The following OSBPL1A variants were observed in gnomAD, a reference collection of about 807,000 sequenced individuals.
OSBPL1A encodes the protein oxysterol-binding protein-related protein 1.
In OSBPL1A, 80 loss-of-function variants were observed where a neutral mutation model predicts 137.1. That is an observed-to-expected ratio of 0.58 (90% CI 0.49 to 0.70). The LOEUF is 0.70. Among genes scored for constraint, OSBPL1A ranks in the 30% least tolerant of loss-of-function variants. The pLI is 0.00. For synonymous variants in OSBPL1A, 365 were observed against 389.7 expected, an observed-to-expected ratio of 0.94 and a Z score of 0.75; for missense variants, 970 against 1,129.4, an observed-to-expected ratio of 0.86 and a Z score of 2.02.
At chr18:24,180,920 G>C (rs929345772) in intron 19 of OSBPL1A, among the ~76,000 whole-genome samples, 1 of 152,168 alleles carries the variant, frequency 6.6e-6, no homozygotes, top group Non-Finnish European at 1.5e-5. Context: ...CTAATATCTA[G>C]GTTTGCTTAA....
chr18:24,276,013 C>A (rs1375220195), intron 15 of OSBPL1A, among the ~76,000 whole-genome samples: 1 of 152,108 alleles, frequency 6.6e-6, no homozygotes, highest in Non-Finnish European at 1.5e-5. Context: ...CAGGCATGAG[C>A]CACCGTGCCT....
intron 7 of OSBPL1A, among the ~76,000 whole-genome samples, chr18:24,327,569 C>T (rs973178702): frequency 6.6e-6 from 1 of 152,146 alleles, no homozygotes. Context: ...GCCACCACAC[C>T]CGGCTAATTT....
At chr18:24,354,901 C>A (rs896937736) in intron 4 of OSBPL1A, among the ~76,000 whole-genome samples, 5 of 152,066 alleles carry the variant, frequency 3.3e-5, no homozygotes, top group African/African-American at 7.2e-5. Flanking sequence ...CTGTTCCCTG[C>A]TGAACCTGCC....
intron 18 of OSBPL1A, among the ~76,000 whole-genome samples, chr18:24,193,658 C>T (rs1394473546): frequency 1.3e-5 from 2 of 152,120 alleles, no homozygotes; most frequent in Non-Finnish European, 2.9e-5. Context: ...AGGTGATCTC[C>T]TTTCAATCCA....
At chr18:24,273,108 A>G (rs1305824426) in intron 15 of OSBPL1A, among the ~76,000 whole-genome samples, 1 of 152,042 alleles carries the variant, frequency 6.6e-6, no homozygotes, top group Non-Finnish European at 1.5e-5. Flanking sequence ...GGGTTTTGCT[A>G]TGTTGGTCAT....
intron 21 of OSBPL1A, among the ~76,000 whole-genome samples, chr18:24,176,263 C>T (rs1027263338): frequency 2.0e-5 from 3 of 152,188 alleles, no homozygotes; most frequent in Non-Finnish European, 2.9e-5. Flanking sequence ...GGTGAACTGA[C>T]ATCTTAACTA....
chr18:24,314,469 A>ATT (rs2090681361), intron 11 of OSBPL1A, 122 bp from the exon 12 acceptor site: 3 of 600,050 alleles, frequency 5.0e-6, no homozygotes, highest in Middle Eastern at 3.8e-4. Context: ...ACACTTAAGT[A>ATT]TTGACAGATA....
At chr18:24,209,626 A>G (rs1377781016) in intron 17 of OSBPL1A, among the ~76,000 whole-genome samples, 2 of 152,246 alleles carry the variant, frequency 1.3e-5, no homozygotes, top group African/African-American at 2.4e-5. Context: ...CTGGAAAAAA[A>G]ACAAATTCCA....
At chr18:24,177,288 A>C (rs908529133) in intron 21 of OSBPL1A, among the ~76,000 whole-genome samples, 15 of 152,188 alleles carry the variant, frequency 9.9e-5, no homozygotes, top group African/African-American at 1.4e-4. Context: ...TAGGTCCTTT[A>C]ATTAGAAAGA....
At chr18:24,291,512 G>A (rs566739344) in intron 14 of OSBPL1A, among the ~76,000 whole-genome samples, 278 of 152,228 alleles carry the variant, frequency 1.8e-3, no homozygotes, top group African/African-American at 6.0e-3. Flanking sequence ...AGGATAGAAC[G>A]AGAAGGCTCA....
intron 17 of OSBPL1A, among the ~76,000 whole-genome samples, chr18:24,199,495 A>AC (rs1409625417): frequency 6.6e-6 from 1 of 151,356 alleles, no homozygotes; most frequent in East Asian, 1.9e-4. Flanking sequence ...ATGACCTCCT[A>AC]CCCCCAAACA....
chr18:24,254,432 T>C lies in OSBPL1A; in HGVS notation c.1282-15050A>G, dbSNP rs147687556. 7.8e-4 allele frequency among the ~76,000 whole-genome samples: 119 copies of C among 152,292 alleles called. 1 individual carries two copies. In the East Asian group the frequency reaches 0.012, roughly 16 times the overall value. Reference sequence around the variant, plus strand: ...TCAGTACATGTATCATTCTCAAAGATAGACCATATGTTAGGCCACAAAACA... The same window carrying C: ...TCAGTACATGTATCATTCTCAAAGACAGACCATATGTTAGGCCACAAAACA... On this transcript the variant is annotated intron_variant, in intron 15 of 27. Coordinates refer to ENST00000319481, the MANE Select transcript of OSBPL1A (RefSeq NM_080597.4).
At chr18:24,283,138 G>A (rs781541014) in intron 14 of OSBPL1A, among the ~76,000 whole-genome samples, 11 of 150,596 alleles carry the variant, frequency 7.3e-5, no homozygotes, top group Non-Finnish European at 1.5e-4. Context: ...GGTGGCTGGC[G>A]CCTGTAATCC....
intron 2 of OSBPL1A, among the ~76,000 whole-genome samples, chr18:24,369,761 C>G (rs1489580124): frequency 1.3e-5 from 2 of 152,310 alleles, no homozygotes; most frequent in East Asian, 1.9e-4. Context: ...ATTACACAGT[C>G]AATAAATCCC....
chr18:24,170,605 G>C (rs1312049493), intron 23 of OSBPL1A, 152 bp from the exon 24 acceptor site: 3 of 734,874 alleles, frequency 4.1e-6, no homozygotes, highest in Non-Finnish European at 6.9e-6. Context: ...GGCGTGTTCA[G>C]GGTGGCATCG....
intron 17 of OSBPL1A, among the ~76,000 whole-genome samples, chr18:24,219,074 CT>C (rs2087802886): frequency 6.6e-6 from 1 of 151,892 alleles, no homozygotes; most frequent in African/African-American, 2.4e-5. Context: ...GGGAGGATGT[CT>C]TGAGGCTAGG....
intron 16 of OSBPL1A, among the ~76,000 whole-genome samples, chr18:24,231,095 A>G (rs971021250): frequency 6.6e-6 from 1 of 152,216 alleles, no homozygotes. Context: ...AACATTAAGA[A>G]GTGTCAGAAT....
intron 16 of OSBPL1A, among the ~76,000 whole-genome samples, chr18:24,231,506 T>C (rs1208402404): frequency 6.6e-6 from 1 of 152,200 alleles, no homozygotes; most frequent in African/African-American, 2.4e-5. Context: ...GCCAGGCTGG[T>C]CTTGAACTCC....
At chr18:24,170,019 A>G (rs2086236882) in intron 24 of OSBPL1A, among the ~76,000 whole-genome samples, 1 of 152,244 alleles carries the variant, frequency 6.6e-6, no homozygotes, top group African/African-American at 2.4e-5. Flanking sequence ...CAATGCACAT[A>G]AACAGGAGGA....
Sources: gnomAD v4.1 joint callset for allele counts (sites outside exome capture counted in the v4.1 genomes callset) on GRCh38, gnomAD v4.1.1 for gene constraint, MANE v1.5 for transcripts, NCBI Gene and HGNC (gene_info 2026-07-23, HGNC 2026-07-21) for gene names.